CPEB3: variants seen among roughly 807,000 people sequenced by gnomAD.
CPEB3 encodes cytoplasmic polyadenylation element binding protein 3.
CPEB3 carries 20 observed loss-of-function variants against 67.2 expected under a neutral mutation model. The observed-to-expected ratio is 0.30, with a 90% CI of 0.21 to 0.43. The LOEUF (loss-of-function observed/expected upper bound fraction) is 0.43. Ranked by LOEUF, CPEB3 falls within the 20% of genes least tolerant of loss-of-function variation. CPEB3 has a pLI of 1.00. For missense variants in CPEB3, 746 were observed against 968.6 expected, an observed-to-expected ratio of 0.77 and a Z score of 3.05; for synonymous variants, 376 against 393.1, an observed-to-expected ratio of 0.96 and a Z score of 0.51.
At chr10:92,098,642 T>A (rs1844011868) in intron 7 of CPEB3, among the ~76,000 whole-genome samples, 1 of 152,174 alleles carries the variant, frequency 6.6e-6, no homozygotes, top group African/African-American at 2.4e-5. Context: ...TTCTATAGAG[T>A]TTAACTTTAA....
At chr10:92,093,643 C>T (rs1843717656) in intron 7 of CPEB3, among the ~76,000 whole-genome samples, 1 of 151,810 alleles carries the variant, frequency 6.6e-6, no homozygotes. Context: ...GCTGGGATTA[C>T]AGGTGCCCGC....
chr10:92,252,297 C>T (rs1389350376), intron 1 of CPEB3, among the ~76,000 whole-genome samples: 1 of 152,164 alleles, frequency 6.6e-6, no homozygotes, highest in Non-Finnish European at 1.5e-5. Context: ...AGCAACCCCT[C>T]CTTTTTTTAA....
At chr10:92,089,778 G>A (rs140483236) in intron 8 of CPEB3, among the ~76,000 whole-genome samples, 80 of 151,240 alleles carry the variant, frequency 5.3e-4, no homozygotes, top group African/African-American at 1.8e-3. Flanking sequence ...GTGAGACTCC[G>A]TCTCAAAAAA....
At chr10:92,146,850 G>T (rs1288319176) in intron 4 of CPEB3, among the ~76,000 whole-genome samples, 2 of 152,154 alleles carry the variant, frequency 1.3e-5, no homozygotes, top group African/African-American at 4.8e-5. Context: ...GAAAGAAATA[G>T]ATTTGCAGCA....
rs544383700 is a variant in CPEB3 at position 92,266,315 on chromosome 10, G to A, written c.-12+24611C>T. Among the ~76,000 whole-genome samples, 5 of 152,264 alleles carry A rather than the reference G, an allele frequency of 3.3e-5. No individual in the cohort carries two copies. The East Asian group carries it at 9.7e-4, about 29-fold the overall frequency. On this transcript the variant is annotated intron_variant, in intron 1 of 9. Coordinates refer to ENST00000265997, the MANE Select transcript of CPEB3 (RefSeq NM_014912.5). ...CCTTTCCCAGAAGAGGCAGGAGGAG[G>A]AAAAGAGAAGTTTATCTGTTCTCTT...
chr10:92,291,146 C>G (rs1183181764), upstream of CPEB3: 2 of 405,230 alleles, frequency 4.9e-6, no homozygotes, highest in Non-Finnish European at 8.9e-6. Flanking sequence ...AACCCTGGCG[C>G]GCACGGAGGC....
At position 92,052,237 on chromosome 10, in the gene CPEB3, C is replaced by T. The variant is rs764609621; in HGVS notation, c.2072G>A (p.Arg691His). 23 of 1,613,596 alleles carry T rather than the reference C, an allele frequency of 1.4e-5. No individual in the cohort carries two copies. Among genetic ancestry groups the T allele is most frequent in the South Asian group, 6.6e-5 (6 of 91,070 alleles). Residue 691 changes from arginine to histidine, a missense_variant, in exon 10 of 10, where the codon CGT becomes CAT. Arg to His is a conservative substitution (Grantham distance 29, BLOSUM62 0). Coordinates refer to ENST00000265997, the MANE Select transcript of CPEB3 (RefSeq NM_014912.5). Reference sequence around the variant, plus strand: ...TCAGCTCCAGCGGAACGGGACGTGACGAGGGCGGTCGCCTCCCTCCTTCAC... The same window carrying T: ...TCAGCTCCAGCGGAACGGGACGTGATGAGGGCGGTCGCCTCCCTCCTTCAC... ...PLVKEGGDRP[R>H]HVPFRWS
intron 6 of CPEB3, among the ~76,000 whole-genome samples, chr10:92,122,868 T>C (rs1845451977): frequency 2.6e-5 from 4 of 152,258 alleles, no homozygotes; most frequent in Admixed American, 2.0e-4. Flanking sequence ...AGTTAAAATG[T>C]AGAGGTAGCT....
chr10:92,170,222 CAGTGTCCCCACATACTT>C (rs959498823), intron 4 of CPEB3, among the ~76,000 whole-genome samples: 8 of 152,198 alleles, frequency 5.3e-5, no homozygotes, highest in Non-Finnish European at 1.2e-4. Flanking sequence ...TACCACATTT[CAGTGTCCCCACATACTT>C]AGTATTAATT....
chr10:92,058,593 A>ATACATACG (rs1491552730), intron 9 of CPEB3, among the ~76,000 whole-genome samples: 1 of 130,076 alleles, frequency 7.7e-6, no homozygotes, highest in East Asian at 2.2e-4. Flanking sequence ...ACATACATAC[A>ATACATACG]TATATATATA....
At chr10:92,265,415 G>A (rs1334410253) in intron 1 of CPEB3, among the ~76,000 whole-genome samples, 1 of 152,090 alleles carries the variant, frequency 6.6e-6, no homozygotes, top group Non-Finnish European at 1.5e-5. Context: ...GCTTCTTAGT[G>A]ACAGAGACTT....
Position 92,263,401 on chromosome 10 carries a change from C to T in CPEB3, c.-11-23040G>A, listed in dbSNP as rs1033519393. 3.3e-5 allele frequency among the ~76,000 whole-genome samples: 5 copies of T among 152,036 alleles called. No individual in the cohort carries two copies. The South Asian group carries it at 6.2e-4, about 19-fold the overall frequency. ...GCCCAATAAAGCATTTTTAATAAAC[C>T]GTAAAGCAGTAAAGGTCAATGTATG... is the stretch of plus-strand genomic sequence containing the variant. On this transcript the variant is annotated intron_variant, in intron 1 of 9. Transcript: ENST00000265997.
rs185953761 is a variant in CPEB3, at chr10:92,139,086, T to C, written c.1453+3943A>G. ...TGAGGTTGGGAGTTCGAGACCAGCC[T>C]GACCAACATGAAGAAACCCCATCTC... On this transcript the variant is annotated intron_variant, in intron 6 of 9. Coordinates refer to ENST00000265997, the MANE Select transcript of CPEB3 (RefSeq NM_014912.5). Among the ~76,000 whole-genome samples, 196 of 152,216 alleles carry C rather than the reference T, an allele frequency of 1.3e-3. 1 individual carries two copies. Among genetic ancestry groups the C allele is most frequent in the African/African-American group, 4.5e-3 (186 of 41,520 alleles).
intron 9 of CPEB3, among the ~76,000 whole-genome samples, chr10:92,056,418 A>G (rs1842114131): frequency 6.6e-6 from 1 of 152,202 alleles, no homozygotes; most frequent in Non-Finnish European, 1.5e-5. Context: ...CACAGAAAAA[A>G]ATACCTTTAG....
intron 2 of CPEB3, among the ~76,000 whole-genome samples, chr10:92,201,449 AC>A (rs1221601083): frequency 1.3e-5 from 2 of 152,126 alleles, no homozygotes; most frequent in African/African-American, 2.4e-5. Context: ...AATCACTGGA[AC>A]CCGGGAGGCA....
At chr10:92,093,746 C>T (rs1186783682) in intron 7 of CPEB3, among the ~76,000 whole-genome samples, 2 of 152,142 alleles carry the variant, frequency 1.3e-5, no homozygotes, top group East Asian at 3.9e-4. Flanking sequence ...AGGGGATCTA[C>T]CCACTTCAGC....
At chr10:92,217,348 A>C (rs1202261873) in intron 2 of CPEB3, among the ~76,000 whole-genome samples, 1 of 151,894 alleles carries the variant, frequency 6.6e-6, no homozygotes, top group East Asian at 1.9e-4. Flanking sequence ...GGTGGCATCT[A>C]AATTTAACAT....
intron 4 of CPEB3, among the ~76,000 whole-genome samples, chr10:92,158,027 C>T (rs1847289893): frequency 6.6e-6 from 1 of 150,976 alleles, no homozygotes; most frequent in African/African-American, 2.4e-5. Flanking sequence ...CAAAAGATCT[C>T]ATTTAAAAAA....
chr10:92,247,616 C>T (rs545313093), intron 1 of CPEB3, among the ~76,000 whole-genome samples: 8 of 152,146 alleles, frequency 5.3e-5, no homozygotes, highest in East Asian at 3.9e-4. Context: ...AGGCTGGTGT[C>T]GAGCTCCCGA....
Sources: gnomAD v4.1 joint callset for allele counts (sites outside exome capture counted in the v4.1 genomes callset) on GRCh38, gnomAD v4.1.1 for gene constraint, MANE v1.5 for transcripts, NCBI Gene and HGNC (gene_info 2026-07-23, HGNC 2026-07-21) for gene names.